The following DENND1A variants were observed in gnomAD, a reference collection of about 807,000 sequenced individuals.
The protein encoded by DENND1A is DENN domain containing 1A.
DENND1A carries 51 observed loss-of-function variants against 113.7 expected under a neutral mutation model. That is an observed-to-expected ratio of 0.45 (90% CI 0.36 to 0.57). DENND1A has a LOEUF of 0.57. DENND1A is among the 20% of genes least tolerant of loss of function. DENND1A has a pLI of 0.00. For missense variants in DENND1A, 1,258 were observed against 1,395.9 expected (o/e 0.90, Z 1.57); for synonymous variants, 565 against 570.8 (o/e 0.99, Z 0.14).
At chr9:123,605,629 G>A (rs1028951621) in intron 11 of DENND1A, among the ~76,000 whole-genome samples, 2 of 152,212 alleles carry the variant, frequency 1.3e-5, no homozygotes, top group African/African-American at 2.4e-5. Context: ...ATGGCGATCA[G>A]GTATACACTT....
chr9:123,784,588 T>C (rs946342666), intron 3 of DENND1A, among the ~76,000 whole-genome samples: 2 of 152,202 alleles, frequency 1.3e-5, no homozygotes, highest in Non-Finnish European at 2.9e-5. Flanking sequence ...CATAACTTAC[T>C]AGAAACAAGA....
rs926201038 is a variant in DENND1A, at chr9:123,630,420, G to A, written c.675C>T (p.His225=). The part of the protein sequence containing the change: ...AAMLYPMYWQ[H]VYIPVLPPHL... ...GCGGCGGCAGCACGGGGATGTACAC[G>A]TGCTGCCAGTACATGGGGTAGAGCA... The change falls in exon 10 of 24, where the codon CAC becomes CAT. Residue 225 remains histidine (H), a synonymous_variant. Transcript: ENST00000394215. The A allele has an allele frequency of 7.3e-5, 117 of 1,604,434 alleles. No homozygotes were observed. The highest frequency in any genetic ancestry group is 9.0e-5 in the Non-Finnish European group (106 of 1,175,234).
At chr9:123,639,322 C>T (rs2061897341) in intron 9 of DENND1A, among the ~76,000 whole-genome samples, 1 of 151,612 alleles carries the variant, frequency 6.6e-6, no homozygotes, top group Admixed American at 6.6e-5. Flanking sequence ...GCCTGTAGTC[C>T]CAGCTACTTG....
chr9:123,619,819 G>C (rs1213015347), intron 10 of DENND1A, among the ~76,000 whole-genome samples: 1 of 152,090 alleles, frequency 6.6e-6, no homozygotes, highest in Non-Finnish European at 1.5e-5. Flanking sequence ...TTCCTATAGA[G>C]TCTTCAGTAT....
intron 2 of DENND1A, among the ~76,000 whole-genome samples, chr9:123,857,482 G>C (rs1354314835): frequency 1.3e-5 from 2 of 152,156 alleles, no homozygotes; most frequent in Non-Finnish European, 2.9e-5. Context: ...AATTAAAAAG[G>C]AGTAAGTAAG....
At chr9:123,525,116 A>G (rs899404320) in intron 13 of DENND1A, among the ~76,000 whole-genome samples, 16 of 152,196 alleles carry the variant, frequency 1.1e-4, no homozygotes, top group Non-Finnish European at 4.4e-5. Context: ...CCGAAAAAGG[A>G]GGAGACGTGT....
chr9:123,695,317 G>C (rs1011706679), intron 5 of DENND1A, among the ~76,000 whole-genome samples: 3 of 152,080 alleles, frequency 2.0e-5, no homozygotes, highest in East Asian at 3.9e-4. Context: ...AAGTCCATAC[G>C]CTAAATATTA....
chr9:123,527,612 T>G (rs1167135147), intron 13 of DENND1A, among the ~76,000 whole-genome samples: 2 of 152,142 alleles, frequency 1.3e-5, no homozygotes, highest in Non-Finnish European at 2.9e-5. Flanking sequence ...CAATTCCTAG[T>G]TGGGTACCCC....
At chr9:123,679,174 T>C (rs921560216) in intron 5 of DENND1A, among the ~76,000 whole-genome samples, 1 of 152,128 alleles carries the variant, frequency 6.6e-6, no homozygotes, top group African/African-American at 2.4e-5. Flanking sequence ...ACTGAATCAT[T>C]TTAGAAATAT....
intron 13 of DENND1A, 148 bp from the exon 14 acceptor site, chr9:123,458,045 G>A: frequency 1.6e-6 from 1 of 613,890 alleles, no homozygotes; most frequent in Non-Finnish European, 2.8e-6. Context: ...CTGTCACCCA[G>A]GCTGGAGTAC....
intron 19 of DENND1A, among the ~76,000 whole-genome samples, chr9:123,419,461 T>C (rs2045044906): frequency 1.3e-5 from 2 of 152,228 alleles, no homozygotes; most frequent in African/African-American, 2.4e-5. Flanking sequence ...GGAATGGAGA[T>C]GGGGAAGAGA....
At chr9:123,399,330 G>C (rs529500057) in intron 21 of DENND1A, among the ~76,000 whole-genome samples, 1 of 152,286 alleles carries the variant, frequency 6.6e-6, no homozygotes, top group South Asian at 2.1e-4. Context: ...TTTTCTGTCT[G>C]TTCAATGGGA....
chr9:123,812,963 G>T (rs1192564493), intron 2 of DENND1A, among the ~76,000 whole-genome samples: 1 of 152,164 alleles, frequency 6.6e-6, no homozygotes, highest in Non-Finnish European at 1.5e-5. Context: ...GTTTCTTTGT[G>T]GTTTTTGGAA....
At chr9:123,477,753 TAA>T (rs112229962) in intron 13 of DENND1A, among the ~76,000 whole-genome samples, 1 of 147,394 alleles carries the variant, frequency 6.8e-6, no homozygotes, top group African/African-American at 2.5e-5. Context: ...AAAAAATAAT[TAA>T]AAAAAAAAAG....
At chr9:123,434,605 GA>G (rs2046379223) in intron 19 of DENND1A, among the ~76,000 whole-genome samples, 1 of 152,214 alleles carries the variant, frequency 6.6e-6, no homozygotes, top group African/African-American at 2.4e-5. Flanking sequence ...AAGCATTAAA[GA>G]AAAATTGCAG....
chr9:123,520,183 G>A (rs2054281157), intron 13 of DENND1A, among the ~76,000 whole-genome samples: 1 of 143,480 alleles, frequency 7.0e-6, no homozygotes, highest in African/African-American at 2.6e-5. Context: ...AAGGCCACCT[G>A]TGGTGGCTTA....
intron 3 of DENND1A, among the ~76,000 whole-genome samples, chr9:123,776,834 T>C (rs1036742241): frequency 6.6e-6 from 1 of 152,184 alleles, no homozygotes; most frequent in African/African-American, 2.4e-5. Context: ...TTTGAGAGCA[T>C]GAAAATGAGG....
intron 1 of DENND1A, among the ~76,000 whole-genome samples, chr9:123,904,301 C>A (rs541921158): frequency 5.3e-5 from 8 of 151,680 alleles, no homozygotes; most frequent in African/African-American, 1.9e-4. Context: ...AACTCTAAAA[C>A]GCAGAGCGTC....
At chr9:123,498,078 A>G (rs1280720929) in intron 13 of DENND1A, among the ~76,000 whole-genome samples, 2 of 152,262 alleles carry the variant, frequency 1.3e-5, no homozygotes, top group Admixed American at 1.3e-4. Context: ...AAGAATTTCC[A>G]TGCTGACAAC....
Sources: gnomAD v4.1 joint callset for allele counts (sites outside exome capture counted in the v4.1 genomes callset) on GRCh38, gnomAD v4.1.1 for gene constraint, MANE v1.5 for transcripts, NCBI Gene and HGNC (gene_info 2026-07-23, HGNC 2026-07-21) for gene names.